The following UGT1A7 variants were observed in gnomAD, a reference collection of about 807,000 sequenced individuals.
The protein encoded by UGT1A7 is UDP glucuronosyltransferase family 1 member A7, also known as UDP-glucuronosyltransferase 1A7.
A neutral mutation model predicts 45.6 loss-of-function variants in UGT1A7; 33 were observed. That is an observed-to-expected ratio of 0.72 (90% CI 0.55 to 0.97). The LOEUF (loss-of-function observed/expected upper bound fraction) is 0.97. Ranked by LOEUF, UGT1A7 falls within the 50% of genes least tolerant of loss-of-function variation. The pLI is 0.00. For synonymous variants in UGT1A7, 274 were observed against 250.6 expected (o/e 1.09, Z -0.88); for missense variants, 684 against 666.2 (o/e 1.03, Z -0.29).
rs888256988 is a variant in UGT1A7, at chr2:233,681,922, G to C, written c.-16G>C. On this transcript the variant is annotated 5_prime_UTR_variant, in exon 1 of 5. Transcript: ENST00000373426. ...GCTTAGAATCCCAGCTGCTGGCTCT[G>C]GGCTGAAGTTCTCTGATGGCTCGTG... 5.0e-6 allele frequency: 8 copies of C among 1,608,608 alleles called. No individual in the cohort carries two copies. Among genetic ancestry groups the C allele is most frequent in the Non-Finnish European group, 5.9e-6 (7 of 1,176,920 alleles).
Position 233,759,652 on chromosome 2 carries a change from C to T in UGT1A7, c.856-7382C>T, listed in dbSNP as rs35665780. Among the ~76,000 whole-genome samples the T allele has an allele frequency of 2.9e-3, 358 of 121,974 alleles. 3 individuals are homozygous for T. Among genetic ancestry groups the T allele is most frequent in the Middle Eastern group, 0.024 (3 of 124 alleles). The allele number at this position is 121,974 out of a possible 152,430, so 80.0% of individuals were successfully genotyped here. A position where few individuals can be genotyped will look rare whatever the true frequency, so the allele number is the denominator to read the frequency against. On this transcript the variant is annotated intron_variant, in intron 1 of 4. Coordinates refer to ENST00000373426, the MANE Select transcript of UGT1A7 (RefSeq NM_019077.3). The stretch of plus-strand genomic sequence containing the variant: ...TCCTTCTTAGCATGCTTCACGATTT[C>T]TAAGTTCCTGCTCATGTGTTTAAAT...
chr2:233,704,764 C>T (rs183614889), intron 1 of UGT1A7, among the ~76,000 whole-genome samples: 5 of 152,192 alleles, frequency 3.3e-5, no homozygotes, highest in East Asian at 1.9e-4. Flanking sequence ...AAATATATTA[C>T]GCTTCCATAT....
chr2:233,747,267 C>T (rs1178293466), intron 1 of UGT1A7: 115 of 1,599,414 alleles, frequency 7.2e-5, no homozygotes, highest in Non-Finnish European at 9.0e-5. Flanking sequence ...GAGTGCTACT[C>T]CTTCTCAGTG....
In UGT1A7 at chr2:233,748,281, A is replaced by G. The variant is rs187598208; in HGVS notation, c.856-18753A>G. 1.2e-3 allele frequency among the ~76,000 whole-genome samples: 189 copies of G among 151,888 alleles called. 5 individuals are homozygous for G. The highest frequency in any genetic ancestry group is 4.3e-3 in the African/African-American group (178 of 41,188). ...TTAAATGGTCAATGAGAGGAAGAAG[A>G]GGCAGACATGAATGTTTATCAAAGG... On this transcript the variant is annotated intron_variant, in intron 1 of 4. Coordinates refer to ENST00000373426, the MANE Select transcript of UGT1A7 (RefSeq NM_019077.3).
intron 1 of UGT1A7, chr2:233,693,165 A>G: frequency 2.5e-6 from 4 of 1,614,194 alleles, no homozygotes; most frequent in Non-Finnish European, 3.4e-6. Context: ...GACCGGGGTC[A>G]TGAGATTGTA....
At chr2:233,713,933 C>T (rs2076357446) in intron 1 of UGT1A7, 1 of 1,611,438 alleles carries the variant, frequency 6.2e-7, no homozygotes, top group Non-Finnish European at 8.5e-7. Context: ...CTTACAAGTG[C>T]TTCCATATCT....
chr2:233,755,793 G>T (rs1244262397), intron 1 of UGT1A7: 1 of 152,190 alleles, frequency 6.6e-6, no homozygotes, highest in African/African-American at 2.4e-5. Flanking sequence ...CATATGTACT[G>T]CATTAGAGAT....
intron 1 of UGT1A7, chr2:233,719,196 A>T (rs1343607687): frequency 6.2e-7 from 1 of 1,614,214 alleles, no homozygotes; most frequent in Non-Finnish European, 8.5e-7. Flanking sequence ...GGCCCTTCAT[A>T]GGTGTTGTGT....
At position 233,754,406 on chromosome 2, in the gene UGT1A7, A is replaced by G. The variant is rs1695474785; in HGVS notation, c.856-12628A>G. The G allele has an allele frequency of 8.8e-6, 3 of 341,438 alleles. No individual in the cohort carries two copies. The Admixed American group carries it at 1.2e-4, about 14-fold the overall frequency. The allele number at this position is 341,438 out of a possible 1,614,324, so 21.2% of individuals were successfully genotyped here. A position where few individuals can be genotyped will look rare whatever the true frequency, so the allele number is the denominator to read the frequency against. ...ACAGAGGTCCTATCCGTGCAGTCCC[A>G]ACAATAAAGACAGGCATTGGCATAA... On this transcript the variant is annotated intron_variant, in intron 1 of 4. Transcript: ENST00000373426.
At chr2:233,708,356 T>G (rs1559355777) in intron 1 of UGT1A7, 1 of 152,248 alleles carries the variant, frequency 6.6e-6, no homozygotes, top group Non-Finnish European at 1.5e-5. Flanking sequence ...TTTCCCTTAT[T>G]AATTCTTCAT....
In UGT1A7 at chr2:233,769,397, A is replaced by C; in HGVS notation, c.1295+958A>C. 1 of 1,148,656 alleles carries C rather than the reference A, an allele frequency of 8.7e-7. No individual in the cohort carries two copies. The allele number at this position is 1,148,656 out of a possible 1,614,324, so 71.2% of individuals were successfully genotyped here. ...TCATCCGACAATAGATACTGTGTGC[A>C]TATGTGCGTGTGCGTTTGTGCATGT... On this transcript the variant is annotated intron_variant, in intron 4 of 4. Transcript: ENST00000373426. This position sits in a 1 kb window ranked among gnomAD's most constrained non-coding sequence, Gnocchi z 4.4.
chr2:233,735,427 T>C (rs2078650919), intron 1 of UGT1A7, among the ~76,000 whole-genome samples: 1 of 152,212 alleles, frequency 6.6e-6, no homozygotes, highest in Non-Finnish European at 1.5e-5. Context: ...ATAGGCCTCC[T>C]GAATACAGCA....
chr2:233,743,932 C>T (rs927230635), intron 1 of UGT1A7: 9 of 1,358,952 alleles, frequency 6.6e-6, no homozygotes, highest in African/African-American at 5.9e-5. Flanking sequence ...ATGGCCAGAA[C>T]GGCCCACCAG....
rs183557056 is a variant in UGT1A7 at position 233,739,734 on chromosome 2, G to A, written c.856-27300G>A. Reference sequence around the variant, plus strand: ...GGAAGGGACTTGACTTGTCTCAGATGAGACCTTGGACTATGGACTTTTGAG... The same window carrying A: ...GGAAGGGACTTGACTTGTCTCAGATAAGACCTTGGACTATGGACTTTTGAG... On this transcript the variant is annotated intron_variant, in intron 1 of 4. Transcript: ENST00000373426. Among the ~76,000 whole-genome samples the A allele has an allele frequency of 9.2e-3, 1,401 of 152,178 alleles. 30 individuals carry two copies. The highest frequency in any genetic ancestry group is 0.032 in the African/African-American group (1,315 of 41,414).
At chr2:233,705,110 T>A (rs896314646) in intron 1 of UGT1A7, among the ~76,000 whole-genome samples, 45 of 146,348 alleles carry the variant, frequency 3.1e-4, no homozygotes, top group African/African-American at 1.2e-3. Flanking sequence ...CACGCCAGCC[T>A]GGGGGACAAG....
At chr2:233,739,292 G>A (rs907438916) in intron 1 of UGT1A7, among the ~76,000 whole-genome samples, 2 of 152,186 alleles carry the variant, frequency 1.3e-5, no homozygotes, top group African/African-American at 4.8e-5. Flanking sequence ...AGTCTCCACT[G>A]GGGCACTGCC....
chr2:233,694,449 C>T (rs182709134), intron 1 of UGT1A7, among the ~76,000 whole-genome samples: 1 of 152,296 alleles, frequency 6.6e-6, no homozygotes. Context: ...TACTGACTGG[C>T]CTTTTCAGCA....
chr2:233,744,616 T>C (rs1359252555), intron 1 of UGT1A7, among the ~76,000 whole-genome samples: 1 of 151,926 alleles, frequency 6.6e-6, no homozygotes, highest in Non-Finnish European at 1.5e-5. Context: ...CTTGGCTCTA[T>C]AGAGAGGTGG....
intron 1 of UGT1A7, among the ~76,000 whole-genome samples, chr2:233,720,381 T>C (rs930663002): frequency 6.6e-6 from 1 of 152,042 alleles, no homozygotes; most frequent in Non-Finnish European, 1.5e-5. Flanking sequence ...CTACTTGGAA[T>C]GCTGAAATTA....
Sources: gnomAD v4.1 joint callset for allele counts (sites outside exome capture counted in the v4.1 genomes callset) on GRCh38, gnomAD v4.1.1 for gene constraint, Gnocchi (gnomAD v3.1) non-coding constraint, MANE v1.5 for transcripts, NCBI Gene and HGNC (gene_info 2026-07-23, HGNC 2026-07-21) for gene names.